Variants in BARX2 observed in about 807,000 individuals in gnomAD.
BARX2 encodes the protein BARX homeobox 2, also known as homeobox protein BarH-like 2.
A neutral mutation model predicts 25.5 loss-of-function variants in BARX2; 11 were observed. The ratio of observed to expected loss-of-function variants is 0.43; its 90% CI spans 0.27 to 0.71. The LOEUF (loss-of-function observed/expected upper bound fraction) is 0.71. BARX2 is among the 30% of genes least tolerant of loss of function. The pLI is 0.19. For synonymous variants in BARX2, 137 were observed against 149.5 expected (o/e 0.92, Z 0.61); for missense variants, 360 against 359.9 (o/e 1.00, Z 0.00).
rs1331841457 is a variant in BARX2, at chr11:129,390,938, G to A, written c.187+14716G>A. 6.6e-6 allele frequency among the ~76,000 whole-genome samples: 1 copy of A among 152,208 alleles called. No homozygotes were observed. Among genetic ancestry groups the A allele is most frequent in the African/African-American group, 2.4e-5 (1 of 41,456 alleles). On this transcript the variant is annotated intron_variant, in intron 1 of 3. Coordinates refer to ENST00000281437, the MANE Select transcript of BARX2 (RefSeq NM_003658.5). This position sits in a 1 kb window ranked among gnomAD's most constrained non-coding sequence, Gnocchi z 4.3. ...TGACGCACAGGCGGTGTGGAAGCAG[G>A]ATTTAAAGTAGAACTCCTGTCAAAA...
At chr11:129,388,770 G>C (rs1861639819) in intron 1 of BARX2, among the ~76,000 whole-genome samples, 1 of 152,178 alleles carries the variant, frequency 6.6e-6, no homozygotes, top group Non-Finnish European at 1.5e-5. Flanking sequence ...CAATAATGTA[G>C]ATAACAGCTT....
At chr11:129,378,563 C>CTTTT (rs56804728) in intron 1 of BARX2, among the ~76,000 whole-genome samples, 515 of 110,084 alleles carry the variant, frequency 4.7e-3, no homozygotes, top group African/African-American at 5.2e-3. Flanking sequence ...TTTTCTTTTT[C>CTTTT]TTTTTTTTTT....
At chr11:129,379,591 A>G (rs925343077) in intron 1 of BARX2, among the ~76,000 whole-genome samples, 1 of 152,156 alleles carries the variant, frequency 6.6e-6, no homozygotes, top group Non-Finnish European at 1.5e-5. Context: ...GGGGTAGAAT[A>G]GTTTGTGGAA....
intron 1 of BARX2, among the ~76,000 whole-genome samples, chr11:129,428,680 A>T (rs1189574354): frequency 6.6e-6 from 1 of 152,194 alleles, no homozygotes; most frequent in Non-Finnish European, 1.5e-5. Flanking sequence ...GGTTTGTAGC[A>T]CACACATTAC....
intron 3 of BARX2, among the ~76,000 whole-genome samples, chr11:129,449,842 A>G (rs889005512): frequency 6.6e-6 from 1 of 152,152 alleles, no homozygotes; most frequent in Non-Finnish European, 1.5e-5. Context: ...AGTTTCTGAA[A>G]AGTGCTCTGG....
At chr11:129,447,543 T>G (rs917260948) in intron 3 of BARX2, among the ~76,000 whole-genome samples, 4 of 152,190 alleles carry the variant, frequency 2.6e-5, no homozygotes, top group Non-Finnish European at 4.4e-5. Context: ...GATAATTGCA[T>G]GTCTCAGGTG....
chr11:129,443,994 C>CTAAT (rs1862294210), intron 3 of BARX2, among the ~76,000 whole-genome samples: 2 of 152,066 alleles, frequency 1.3e-5, no homozygotes, highest in Admixed American at 1.3e-4. Context: ...TGATGACATT[C>CTAAT]TAATTTGCTA....
intron 1 of BARX2, among the ~76,000 whole-genome samples, chr11:129,421,713 C>T (rs886486168): frequency 6.6e-6 from 1 of 152,172 alleles, no homozygotes; most frequent in African/African-American, 2.4e-5. Context: ...GGTTTAATGA[C>T]TTGCCTTCAT....
intron 1 of BARX2, among the ~76,000 whole-genome samples, chr11:129,398,885 T>A (rs567963134): frequency 6.6e-6 from 1 of 152,324 alleles, no homozygotes; most frequent in Non-Finnish European, 1.5e-5. Flanking sequence ...AGAGAAGGGA[T>A]CTACGTGGCT....
At position 129,442,888 on chromosome 11, in the gene BARX2, A is replaced by G. The variant is rs147038314; in HGVS notation, c.542A>G (p.Tyr181Cys). The stretch of plus-strand genomic sequence containing the variant: ...ACTCAGCTGCAGGTGAAGACCTGGT[A>G]TCAGAATCGCAGGATGAAATGGAAG... ...GLTQLQVKTW[Y>C]QNRRMKWKKM... Residue 181 changes from tyrosine to cysteine, a missense_variant, in exon 3 of 4, where the codon TAT (tyrosine) becomes TGT (cysteine). By Grantham distance (194) the Tyr-to-Cys change is radical. Around this residue, in one of 3 missense-constraint regions of BARX2, gnomAD observed 6 missense variants for 21.8 expected, o/e 0.28. Transcript: ENST00000281437. 14 of 1,613,766 alleles carry G rather than the reference A, an allele frequency of 8.7e-6. No individual in the cohort carries two copies. The highest frequency in any genetic ancestry group is 1.2e-5 in the Non-Finnish European group (14 of 1,179,836).
At chr11:129,421,739 T>C (rs1224621512) in intron 1 of BARX2, among the ~76,000 whole-genome samples, 1 of 152,212 alleles carries the variant, frequency 6.6e-6, no homozygotes, top group African/African-American at 2.4e-5. Context: ...AGCAACGAGC[T>C]CTTCCTGCTT....
intron 1 of BARX2, among the ~76,000 whole-genome samples, chr11:129,381,320 G>C (rs541355655): frequency 6.6e-6 from 1 of 152,068 alleles, no homozygotes; most frequent in East Asian, 1.9e-4. Context: ...TAGCAGTTAG[G>C]GTGTTTAAAA....
chr11:129,448,509 C>T (rs1044613461), intron 3 of BARX2, among the ~76,000 whole-genome samples: 1 of 152,112 alleles, frequency 6.6e-6, no homozygotes, highest in South Asian at 2.1e-4. Context: ...AGCCAATAAG[C>T]ACTATGAAAA....
chr11:129,432,116 G>T (rs985948658), intron 1 of BARX2, among the ~76,000 whole-genome samples: 3 of 151,952 alleles, frequency 2.0e-5, no homozygotes, highest in African/African-American at 7.3e-5. Context: ...TGTTATGAGT[G>T]CAGTGGCATG....
intron 1 of BARX2, among the ~76,000 whole-genome samples, chr11:129,420,728 C>T (rs1165592528): frequency 6.6e-6 from 1 of 152,166 alleles, no homozygotes; most frequent in African/African-American, 2.4e-5. Context: ...AGTTGATATG[C>T]ATGCATTAAT....
chr11:129,384,034 C>T (rs978135349), intron 1 of BARX2, among the ~76,000 whole-genome samples: 16 of 151,904 alleles, frequency 1.1e-4, no homozygotes, highest in South Asian at 6.3e-4. Context: ...CCACCATGCC[C>T]GGCTAATTTT....
At chr11:129,393,755 A>T (rs989049463) in intron 1 of BARX2, among the ~76,000 whole-genome samples, 3 of 152,186 alleles carry the variant, frequency 2.0e-5, no homozygotes, top group Admixed American at 2.0e-4. Context: ...ATGTATGATA[A>T]AAAGAATAGT....
At chr11:129,375,263 G>A (rs571286487), upstream of BARX2, among the ~76,000 whole-genome samples, 5 of 152,170 alleles carry the variant, frequency 3.3e-5, no homozygotes, top group Non-Finnish European at 5.9e-5. This position sits in a 1 kb window ranked among gnomAD's most constrained non-coding sequence, Gnocchi z 4.0. Flanking sequence ...CGAGTGGAGG[G>A]CTTGGGAAGC....
In BARX2 at chr11:129,451,117, C is replaced by T. The variant is rs1186992539; in HGVS notation, c.574-19C>T. On this transcript the variant is annotated intron_variant, in intron 3 of 3. Coordinates refer to ENST00000281437, the MANE Select transcript of BARX2 (RefSeq NM_003658.5). ...AGGAATTATTTCTTAGATTCAATAA[C>T]AATTTTTTACTCACGTAGGTTCTTA... The T allele has an allele frequency of 6.2e-7, 1 of 1,603,244 alleles. No individual in the cohort carries two copies. Among genetic ancestry groups the T allele is most frequent in the Non-Finnish European group, 8.5e-7 (1 of 1,172,610 alleles).
Sources: allele counts gnomAD v4.1 joint callset (sites outside exome capture counted in the v4.1 genomes callset), GRCh38; gene constraint gnomAD v4.1.1; regional missense constraint gnomAD v4.1.1; non-coding constraint Gnocchi (gnomAD v3.1); transcripts MANE v1.5; gene names NCBI Gene and HGNC (gene_info 2026-07-23, HGNC 2026-07-21).